The following IL1R1 variants were observed in gnomAD, a reference collection of about 807,000 sequenced individuals.
The protein encoded by IL1R1 is interleukin-1 receptor type 1.
In IL1R1, 22 loss-of-function variants were observed where a neutral mutation model predicts 50.2. That is an observed-to-expected ratio of 0.44 (90% CI 0.31 to 0.63). The LOEUF is 0.63. Ranked by LOEUF, IL1R1 falls within the 20% of genes least tolerant of loss-of-function variation. IL1R1 has a pLI of 0.07. For synonymous variants in IL1R1, 251 were observed against 236.7 expected (o/e 1.06, Z -0.55); for missense variants, 509 against 676.2 (o/e 0.75, Z 2.74).
At chr2:102,073,095 G>A (rs145254518) in intron 1 of IL1R1, among the ~76,000 whole-genome samples, 33 of 152,096 alleles carry the variant, frequency 2.2e-4, no homozygotes, top group Admixed American at 5.9e-4. Flanking sequence ...TCAACTATTC[G>A]CAAAACTCAG....
chr2:102,127,602 C>T (rs992200854), intron 1 of IL1R1, among the ~76,000 whole-genome samples: 2 of 151,864 alleles, frequency 1.3e-5, no homozygotes, highest in Admixed American at 1.3e-4. Flanking sequence ...GATGGTGACA[C>T]ATGCTAGGAA....
intron 1 of IL1R1, among the ~76,000 whole-genome samples, chr2:102,099,475 TG>T (rs1680045770): frequency 6.6e-6 from 1 of 152,222 alleles, no homozygotes; most frequent in Non-Finnish European, 1.5e-5. Flanking sequence ...GTTCCATCTC[TG>T]GGTTAGGGTA....
chr2:102,098,629 G>A (rs1680005254), intron 1 of IL1R1, among the ~76,000 whole-genome samples: 1 of 152,052 alleles, frequency 6.6e-6, no homozygotes, highest in African/African-American at 2.4e-5. Context: ...GATTATGAAA[G>A]CCATATAATA....
chr2:102,112,928 G>A (rs1453776252), intron 1 of IL1R1, among the ~76,000 whole-genome samples: 1 of 152,174 alleles, frequency 6.6e-6, no homozygotes, highest in African/African-American at 2.4e-5. Flanking sequence ...TGTAAGAAGA[G>A]GCCAGAGAAC....
chr2:102,113,620 C>T (rs770914840), intron 1 of IL1R1, among the ~76,000 whole-genome samples: 5 of 152,138 alleles, frequency 3.3e-5, no homozygotes, highest in African/African-American at 7.2e-5. Flanking sequence ...TCATTACTTG[C>T]GATTTTATTT....
intron 1 of IL1R1, among the ~76,000 whole-genome samples, chr2:102,092,655 C>A (rs1020173500): frequency 6.6e-6 from 1 of 152,114 alleles, no homozygotes; most frequent in Admixed American, 6.5e-5. Flanking sequence ...CATATAAACT[C>A]CGAGAACAGG....
intron 1 of IL1R1, among the ~76,000 whole-genome samples, chr2:102,086,195 G>T (rs1215943181): frequency 8.5e-5 from 13 of 152,120 alleles, no homozygotes; most frequent in Admixed American, 7.9e-4. Flanking sequence ...AATTTTTAAA[G>T]GGTGGTTTCA....
chr2:102,073,521 G>A (rs1678830853), intron 1 of IL1R1, among the ~76,000 whole-genome samples: 3 of 152,176 alleles, frequency 2.0e-5, no homozygotes. Flanking sequence ...AGAGGAGACT[G>A]ATGATGATTG....
intron 1 of IL1R1, among the ~76,000 whole-genome samples, chr2:102,106,304 G>A (rs1157127184): frequency 2.0e-5 from 3 of 152,092 alleles, no homozygotes; most frequent in Non-Finnish European, 2.9e-5. Flanking sequence ...TAAATGTGTT[G>A]ATCTGTTAGG....
chr2:102,156,142 A>G (rs1197156318), intron 2 of IL1R1: 1 of 152,484 alleles, frequency 6.6e-6, no homozygotes, highest in African/African-American at 2.4e-5. Context: ...TCTCTATCCT[A>G]AAGACTTAAA....
intron 1 of IL1R1, among the ~76,000 whole-genome samples, chr2:102,147,030 AG>A (rs2104466019): frequency 6.6e-6 from 1 of 152,304 alleles, no homozygotes; most frequent in South Asian, 2.1e-4. Context: ...GACATGTCTA[AG>A]CCAGCCATCA....
At chr2:102,104,127 C>T (rs1282954401), upstream of IL1R1, among the ~76,000 whole-genome samples, 4 of 152,128 alleles carry the variant, frequency 2.6e-5, no homozygotes, top group Non-Finnish European at 5.9e-5. Flanking sequence ...ATCCCACCTC[C>T]AGGGTGTGGT....
chr2:102,161,205 A>C (rs1422305708), intron 3 of IL1R1, among the ~76,000 whole-genome samples: 2 of 152,160 alleles, frequency 1.3e-5, no homozygotes, highest in Non-Finnish European at 2.9e-5. Context: ...TGAGTTATTT[A>C]GGAGTATGTT....
intron 1 of IL1R1, among the ~76,000 whole-genome samples, chr2:102,131,051 C>T (rs917599204): frequency 2.6e-5 from 4 of 152,098 alleles, no homozygotes; most frequent in Admixed American, 1.3e-4. Context: ...GAAAAAGCGC[C>T]TCCCTAAAAG....
intron 1 of IL1R1, among the ~76,000 whole-genome samples, chr2:102,105,822 A>G (rs570371630): frequency 5.9e-5 from 9 of 152,344 alleles, no homozygotes; most frequent in Middle Eastern, 3.4e-3. Flanking sequence ...AGCTTTGCCA[A>G]TGTTGCACCT....
Position 102,152,504 on chromosome 2 carries a change from CAAAAAAAAAAAAAAAAAAAA to C in IL1R1, c.-83-1419_-83-1400del, listed in dbSNP as rs70946674. 1.2e-3 allele frequency among the ~76,000 whole-genome samples: 36 copies of C among 29,686 alleles called. No homozygotes were observed. In the South Asian group the frequency reaches 0.012, roughly 10 times the overall value. 19.5% of individuals were successfully genotyped at this position (29,686 alleles called of 152,430 possible). On this transcript the variant is annotated intron_variant, in intron 1 of 11. Transcript: ENST00000410023. ...TGGGGGACAGAGCAAGACTCCGTCT[CAAAAAAAAAAAAAAAAAAAA>C]AAAAAAAAAAAAAAAAAGAAGAGTG...
upstream of IL1R1, among the ~76,000 whole-genome samples, chr2:102,102,381 T>C (rs1261422683): frequency 6.6e-6 from 1 of 152,186 alleles, no homozygotes; most frequent in Non-Finnish European, 1.5e-5. Flanking sequence ...AGTATTTACA[T>C]AATCTCAATC....
chr2:102,179,509 A>C lies in IL1R1; in HGVS notation c.*2750A>C, dbSNP rs201322030. 2.6e-5 allele frequency: 4 copies of C among 152,726 alleles called. No individual in the cohort carries two copies. In the East Asian group the frequency reaches 7.5e-4, roughly 29 times the overall value. 9.5% of individuals were successfully genotyped at this position (152,726 alleles called of 1,614,324 possible). ...AAAAACTTTTAATGCCTTCCACATT[A>C]ATTAGATTTTCTTGCAGTTTTTTTA... On this transcript the variant is annotated 3_prime_UTR_variant, in exon 12 of 12. Coordinates refer to ENST00000410023, the MANE Select transcript of IL1R1 (RefSeq NM_000877.4).
intron 1 of IL1R1, among the ~76,000 whole-genome samples, chr2:102,074,561 T>TTCC (rs1360596255): frequency 6.6e-6 from 1 of 152,174 alleles, no homozygotes; most frequent in Non-Finnish European, 1.5e-5. Context: ...CTAACATCCC[T>TTCC]TCCTCTGCCC....
Sources: gnomAD v4.1 joint callset for allele counts (sites outside exome capture counted in the v4.1 genomes callset) on GRCh38, gnomAD v4.1.1 for gene constraint, MANE v1.5 for transcripts, NCBI Gene and HGNC (gene_info 2026-07-23, HGNC 2026-07-21) for gene names.